The following ABI3 variants were observed in gnomAD, a reference collection of about 807,000 sequenced individuals.
ABI3 encodes ABI family member 3, also known as ABI gene family member 3.
A neutral mutation model predicts 37.0 loss-of-function variants in ABI3; 24 were observed. The observed-to-expected ratio is 0.65, with a 90% CI of 0.47 to 0.91. The LOEUF is 0.91. Among genes scored for constraint, ABI3 ranks in the 40% least tolerant of loss-of-function variants. ABI3 has a pLI of 0.00. For synonymous variants in ABI3, 220 were observed against 211.8 expected (o/e 1.04, Z -0.34); for missense variants, 481 against 485.1 (o/e 0.99, Z 0.08).
At chr17:49,214,884 A>G (rs1164627506) in intron 1 of ABI3, among the ~76,000 whole-genome samples, 7 of 152,194 alleles carry the variant, frequency 4.6e-5, no homozygotes, top group African/African-American at 1.7e-4. Flanking sequence ...ACGAGTGCAT[A>G]TTTATGAAGA....
intron 1 of ABI3, among the ~76,000 whole-genome samples, chr17:49,214,954 C>T (rs1215865444): frequency 6.6e-6 from 1 of 152,210 alleles, no homozygotes; most frequent in East Asian, 1.9e-4. Context: ...GACAAGCTCC[C>T]TGCTCTCATG....
intron 1 of ABI3, 62 bp from the exon 2 acceptor site, chr17:49,216,469 C>G: frequency 7.2e-7 from 1 of 1,384,896 alleles, no homozygotes; most frequent in South Asian, 1.7e-5. Flanking sequence ...CCATCCCACC[C>G]CAGCCAGCCA....
intron 6 of ABI3, 102 bp downstream of exon 6, chr17:49,220,428 G>A: frequency 1.4e-6 from 2 of 1,423,104 alleles, no homozygotes; most frequent in African/African-American, 2.9e-5. Context: ...CAGCCTCAGT[G>A]AATGCCTCCT....
rs760609644 is a variant in ABI3 at position 49,222,652 on chromosome 17, C to T, written c.1038C>T (p.Cys346=). 22 of 1,612,206 alleles carry T rather than the reference C, an allele frequency of 1.4e-5. No individual in the cohort carries two copies. Among genetic ancestry groups the T allele is most frequent in the Admixed American group, 6.7e-5 (4 of 59,702 alleles). ...CVTRRYSDGW[C]EGVSSEGTGF... is the part of the protein sequence containing the mutation. The stretch of plus-strand genomic sequence containing the variant: ...CTCGCCGCTACTCCGATGGCTGGTG[C>T]GAGGGCGTCAGCTCAGAGGGGACTG... The change falls in exon 8 of 8, where the codon TGC becomes TGT. Residue 346 remains cysteine, a synonymous_variant. Transcript: ENST00000225941.
Position 49,222,596 on chromosome 17 carries a change from T to C in ABI3, c.982T>C (p.Ser328Pro). Residue 328 changes from serine to proline, a missense_variant, in exon 8 of 8, where the codon TCC becomes CCC. By Grantham distance (74) the Ser-to-Pro change is moderately conservative. Transcript: ENST00000225941. Reference protein sequence around the residue: ...PYTSQKDNELSFSEGTVICVT... With the variant: ...PYTSQKDNELPFSEGTVICVT... The stretch of plus-strand genomic sequence containing the variant: ...CACCAGCCAGAAGGACAATGAGCTC[T>C]CCTTCTCTGAGGGCACTGTCATCTG... The C allele has an allele frequency of 1.9e-6, 3 of 1,614,022 alleles. No individual in the cohort carries two copies. Among genetic ancestry groups the C allele is most frequent in the Non-Finnish European group, 2.5e-6 (3 of 1,180,022 alleles).
At position 49,220,198 on chromosome 17, in the gene ABI3, CGCCCA is replaced by C. The variant is rs1567884563; in HGVS notation, c.675_679del (p.Pro226GlyfsTer60). 2.4e-5 allele frequency: 38 copies of C among 1,612,292 alleles called. No homozygotes were observed. The highest frequency in any genetic ancestry group is 3.1e-5 in the Non-Finnish European group (37 of 1,179,962). ...GCCGAAGGTGTCGGTGGGGCCCCCA[CGCCCA>C]AGGGGCAGGCAGCACCTCCAGCCCC... On this transcript the variant is annotated frameshift_variant, in exon 6 of 8. Transcript: ENST00000225941. LOFTEE classifies it high-confidence loss of function.
In ABI3 at chr17:49,221,339, C is replaced by T. The variant is rs575516596; in HGVS notation, c.803-752C>T. On this transcript the variant is annotated intron_variant, in intron 6 of 7. Transcript: ENST00000225941. The stretch of plus-strand genomic sequence containing the variant: ...CAAAAAAATTAGCCGGGCGTGGTGG[C>T]GGGCGCCTGTAGTCCCAGCTACTCG... 1.5e-3 allele frequency among the ~76,000 whole-genome samples: 215 copies of T among 147,424 alleles called. 1 individual carries two copies. Among genetic ancestry groups the T allele is most frequent in the African/African-American group, 5.0e-3 (200 of 39,718 alleles).
Position 49,222,615 on chromosome 17 carries a change from T to C in ABI3, c.1001T>C (p.Val334Ala). The C allele has an allele frequency of 6.2e-7, 1 of 1,614,032 alleles. No individual in the cohort carries two copies. The change falls in exon 8 of 8, where the codon GTC becomes GCC. Residue 334 changes from valine (V) to alanine (A), a missense_variant. Coordinates refer to ENST00000225941, the MANE Select transcript of ABI3 (RefSeq NM_016428.3). ...DNELSFSEGTVICVTRRYSDG... is the reference protein window; with the variant it reads ...DNELSFSEGTAICVTRRYSDG... ...GAGCTCTCCTTCTCTGAGGGCACTG[T>C]CATCTGTGTCACTCGCCGCTACTCC...
Position 49,219,659 on chromosome 17 carries a change from C to T in ABI3, c.548+34C>T, listed in dbSNP as rs377538793. ...TCGCCGCGACGCCAACTAGCCTAGC[C>T]CTGCCCCGCGCGACCCTGAAACTCT... On this transcript the variant is annotated intron_variant, in intron 4 of 7. Transcript: ENST00000225941. The surrounding 1 kb of genome is among the most constrained non-coding windows in gnomAD (Gnocchi z 4.3). 158 of 1,556,486 alleles carry T rather than the reference C, an allele frequency of 1.0e-4. No individual in the cohort carries two copies. In the African/African-American group the frequency reaches 1.8e-3, roughly 18 times the overall value.
chr17:49,215,832 G>A (rs542244607), intron 1 of ABI3, among the ~76,000 whole-genome samples: 2 of 151,418 alleles, frequency 1.3e-5, no homozygotes, highest in Middle Eastern at 3.4e-3. Flanking sequence ...GGCTGGGCAC[G>A]GTGGCTCACG....
At position 49,222,119 on chromosome 17, in the gene ABI3, G is replaced by A. The variant is rs1567886011; in HGVS notation, c.831G>A (p.Leu277=). 1 of 1,611,568 alleles carries A rather than the reference G, an allele frequency of 6.2e-7. No individual in the cohort carries two copies. The highest frequency in any genetic ancestry group is 1.1e-5 in the South Asian group (1 of 90,746). Residue 277 remains leucine, a synonymous_variant, in exon 7 of 8, where the codon CTG becomes CTA. Coordinates refer to ENST00000225941, the MANE Select transcript of ABI3 (RefSeq NM_016428.3). ...PDEELPLPLD[L]PPPPPLDGDE... is the part of the protein sequence containing the mutation. ...AAGAGCTGCCCCTGCCACTGGACCT[G>A]CCTCCTCCTCCACCCCTGGATGGAG...
chr17:49,222,750 C>A lies in ABI3; in HGVS notation c.*35C>A, dbSNP rs371956623. On this transcript the variant is annotated 3_prime_UTR_variant, in exon 8 of 8. Transcript: ENST00000225941. Reference sequence around the variant, plus strand: ...GCTCTCTGGGCAGCTGATGTCTGCACTGAGTGGGTTTCATGAGCCCCAAGC... The same window carrying A: ...GCTCTCTGGGCAGCTGATGTCTGCAATGAGTGGGTTTCATGAGCCCCAAGC... The A allele has an allele frequency of 6.5e-7, 1 of 1,534,894 alleles. No homozygotes were observed. Among genetic ancestry groups the A allele is most frequent in the Non-Finnish European group, 8.8e-7 (1 of 1,140,924 alleles).
In ABI3 at chr17:49,215,394, G is replaced by C. The variant is rs78405917; in HGVS notation, c.118-1137G>C. The stretch of plus-strand genomic sequence containing the variant: ...TCAGGGTATTGGAAAGCTATTAGAG[G>C]GAATGAATGAATAAAGTCCCTCTGT... On this transcript the variant is annotated intron_variant, in intron 1 of 7. Coordinates refer to ENST00000225941, the MANE Select transcript of ABI3 (RefSeq NM_016428.3). Among the ~76,000 whole-genome samples, 1,423 of 152,206 alleles carry C rather than the reference G, an allele frequency of 9.3e-3. 99 individuals are homozygous for C. The East Asian group carries it at 0.19, about 20-fold the overall frequency.
At chr17:49,221,965 C>A in intron 6 of ABI3, 126 bp from the exon 7 acceptor site, 2 of 1,313,840 alleles carry the variant, frequency 1.5e-6, no homozygotes, top group Non-Finnish European at 2.0e-6. Flanking sequence ...GTGATCTGCC[C>A]GCCTTGGCCT....
At chr17:49,221,802 C>T (rs2043292203) in intron 6 of ABI3, among the ~76,000 whole-genome samples, 1 of 152,160 alleles carries the variant, frequency 6.6e-6, no homozygotes, top group Non-Finnish European at 1.5e-5. Flanking sequence ...TCACTGCAAC[C>T]TCCACCTCCT....
rs368794979 is a variant in ABI3 at position 49,222,658 on chromosome 17, C to T, written c.1044C>T (p.Gly348=). 3.5e-5 allele frequency: 56 copies of T among 1,610,436 alleles called. No individual in the cohort carries two copies. The highest frequency in any genetic ancestry group is 4.3e-5 in the Non-Finnish European group (51 of 1,178,562). Residue 348 remains glycine, a synonymous_variant, in exon 8 of 8, where the codon GGC becomes GGT. Transcript: ENST00000225941. ...GCTACTCCGATGGCTGGTGCGAGGGCGTCAGCTCAGAGGGGACTGGATTCT... is the reference window on the plus strand; with the variant it reads ...GCTACTCCGATGGCTGGTGCGAGGGTGTCAGCTCAGAGGGGACTGGATTCT... ...TRRYSDGWCE[G]VSSEGTGFFP... is the part of the protein sequence containing the mutation.
chr17:49,222,769 C>A lies in ABI3; in HGVS notation c.*54C>A. ...TCTGCACTGAGTGGGTTTCATGAGC[C>A]CCAAGCCAAAACCAGCTCCAGTCAC... On this transcript the variant is annotated 3_prime_UTR_variant, in exon 8 of 8. Transcript: ENST00000225941. The A allele has an allele frequency of 1.3e-6, 2 of 1,514,184 alleles. No individual in the cohort carries two copies. The highest frequency in any genetic ancestry group is 2.4e-5 in the South Asian group (2 of 82,416). The allele number at this position is 1,514,184 out of a possible 1,614,324, so 93.8% of individuals were successfully genotyped here. A position where few individuals can be genotyped will look rare whatever the true frequency, so the allele number is the denominator to read the frequency against.
At position 49,222,679 on chromosome 17, in the gene ABI3, A is replaced by G; in HGVS notation, c.1065A>G (p.Gly355=). 1.3e-6 allele frequency: 2 copies of G among 1,597,096 alleles called. No individual in the cohort carries two copies. The highest frequency in any genetic ancestry group is 1.7e-6 in the Non-Finnish European group (2 of 1,171,988). Residue 355 remains glycine, a synonymous_variant, in exon 8 of 8, where the codon GGA becomes GGG. Coordinates refer to ENST00000225941, the MANE Select transcript of ABI3 (RefSeq NM_016428.3). The stretch of plus-strand genomic sequence containing the variant: ...AGGGCGTCAGCTCAGAGGGGACTGG[A>G]TTCTTCCCTGGGAACTATGTGGAGC... ...WCEGVSSEGT[G]FFPGNYVEPS... is the part of the protein sequence containing the mutation.
At chr17:49,212,265 C>A (rs1436998636) in intron 1 of ABI3, among the ~76,000 whole-genome samples, 1 of 152,182 alleles carries the variant, frequency 6.6e-6, no homozygotes, top group Non-Finnish European at 1.5e-5. Context: ...TCCCTGAATC[C>A]TGATGCCAAG....
Sources: allele counts gnomAD v4.1 joint callset (sites outside exome capture counted in the v4.1 genomes callset), GRCh38; gene constraint gnomAD v4.1.1; non-coding constraint Gnocchi (gnomAD v3.1); transcripts MANE v1.5; gene names NCBI Gene and HGNC (gene_info 2026-07-23, HGNC 2026-07-21).